Variants in PCDH15 observed in about 807,000 individuals in gnomAD.
PCDH15 encodes the protein protocadherin related 15, also known as protocadherin-15.
Under a neutral mutation model 178.5 loss-of-function variants are expected in PCDH15, and 129 were observed. That is an observed-to-expected ratio of 0.72 (90% CI 0.63 to 0.84). PCDH15 has a LOEUF of 0.84. Ranked by LOEUF, PCDH15 falls within the 40% of genes least tolerant of loss-of-function variation. PCDH15 has a pLI of 0.00. For synonymous variants in PCDH15, 800 were observed against 732.0 expected (o/e 1.09, Z -1.50); for missense variants, 2,230 against 2,099.9 (o/e 1.06, Z -1.21).
At chr10:55,066,872 TTAA>T (rs1240046539) in intron 2 of PCDH15, among the ~76,000 whole-genome samples, 1 of 151,786 alleles carries the variant, frequency 6.6e-6, no homozygotes, top group East Asian at 1.9e-4. Context: ...GTGACTATGC[TTAA>T]TATTTTTTAT....
At chr10:54,618,801 T>C (rs2093265744) in intron 2 of PCDH15, among the ~76,000 whole-genome samples, 1 of 152,028 alleles carries the variant, frequency 6.6e-6, no homozygotes, top group Admixed American at 6.6e-5. Context: ...AATAAATACT[T>C]TGGTGTCTAA....
intron 8 of PCDH15, among the ~76,000 whole-genome samples, chr10:54,301,065 G>A (rs181910368): frequency 1.4e-4 from 22 of 152,148 alleles, no homozygotes; most frequent in African/African-American, 2.6e-4. Context: ...CGAACCCACC[G>A]GAAGGAAGAA....
chr10:53,897,739 T>C (rs538566049), intron 26 of PCDH15, among the ~76,000 whole-genome samples: 3 of 152,238 alleles, frequency 2.0e-5, no homozygotes, highest in African/African-American at 7.2e-5. Flanking sequence ...AATATTCTGC[T>C]TTCTGTCTTT....
chr10:55,490,000 G>T (rs1285894577), intron 2 of PCDH15, among the ~76,000 whole-genome samples: 1 of 151,442 alleles, frequency 6.6e-6, no homozygotes, highest in African/African-American at 2.4e-5. Context: ...TACCCATGAA[G>T]TTTTAACTGT....
intron 3 of PCDH15, among the ~76,000 whole-genome samples, chr10:54,521,279 C>G (rs1011361767): frequency 1.3e-5 from 2 of 152,056 alleles, no homozygotes; most frequent in Non-Finnish European, 2.9e-5. Flanking sequence ...TTTACTCTGA[C>G]TGTTGTCAAT....
intron 13 of PCDH15, among the ~76,000 whole-genome samples, chr10:54,183,084 C>T (rs183183184): frequency 2.5e-4 from 38 of 152,030 alleles, no homozygotes; most frequent in Non-Finnish European, 5.1e-4. Context: ...CAGGTTCAAG[C>T]GATTCTCCTG....
intron 17 of PCDH15, among the ~76,000 whole-genome samples, chr10:54,069,467 C>T (rs2094198958): frequency 6.6e-6 from 1 of 152,108 alleles, no homozygotes; most frequent in Non-Finnish European, 1.5e-5. Flanking sequence ...CAGGCATTTT[C>T]TTCATTTCTT....
chr10:54,468,935 C>T (rs2136637336), intron 3 of PCDH15, among the ~76,000 whole-genome samples: 1 of 152,188 alleles, frequency 6.6e-6, no homozygotes, highest in African/African-American at 2.4e-5. Flanking sequence ...TAAAATTCAA[C>T]TTTATTTGAT....
chr10:55,236,200 G>A (rs1841382495), intron 1 of PCDH15, among the ~76,000 whole-genome samples: 1 of 151,722 alleles, frequency 6.6e-6, no homozygotes, highest in Non-Finnish European at 1.5e-5. Flanking sequence ...ACGTCTTGTT[G>A]CATATTAGAT....
intron 8 of PCDH15, among the ~76,000 whole-genome samples, chr10:54,306,365 A>T (rs1362622345): frequency 6.6e-6 from 1 of 152,044 alleles, no homozygotes; most frequent in Non-Finnish European, 1.5e-5. Flanking sequence ...AGAGAGAGCG[A>T]GAGAAAGATA....
At chr10:55,524,994 C>A (rs192693523) in intron 2 of PCDH15, among the ~76,000 whole-genome samples, 1 of 151,638 alleles carries the variant, frequency 6.6e-6, no homozygotes, top group South Asian at 2.1e-4. Context: ...ATGTCTCAAC[C>A]TTTGCTGGAT....
intron 20 of PCDH15, among the ~76,000 whole-genome samples, chr10:54,006,361 C>A (rs1188054236): frequency 1.3e-5 from 2 of 152,122 alleles, no homozygotes; most frequent in Non-Finnish European, 2.9e-5. Context: ...CCCAACAGAA[C>A]AATTAGCAAG....
intron 26 of PCDH15, among the ~76,000 whole-genome samples, chr10:53,897,248 A>T (rs905188478): frequency 1.1e-4 from 17 of 152,174 alleles, no homozygotes; most frequent in African/African-American, 3.9e-4. Context: ...CACAATGCAC[A>T]TCACTCCCAT....
At chr10:55,199,357 GA>G (rs1157765826) in intron 1 of PCDH15, among the ~76,000 whole-genome samples, 1 of 152,116 alleles carries the variant, frequency 6.6e-6, no homozygotes, top group Non-Finnish European at 1.5e-5. Flanking sequence ...GAACTTAAGA[GA>G]GATGATTTAG....
rs553519506 is a variant in PCDH15 at position 54,186,359 on chromosome 10, T to C, written c.1306-1091A>G. 9.2e-5 allele frequency among the ~76,000 whole-genome samples: 14 copies of C among 152,122 alleles called. No individual in the cohort carries two copies. The South Asian group carries it at 2.3e-3, about 25-fold the overall frequency. On this transcript the variant is annotated intron_variant, in intron 11 of 37. Transcript: ENST00000644397. ...TTAAATGTGTTTAATTTGAAAATAATAGAACTCATAATTTCAAAATTTCTA... is the reference window on the plus strand; with the variant it reads ...TTAAATGTGTTTAATTTGAAAATAACAGAACTCATAATTTCAAAATTTCTA...
intron 2 of PCDH15, among the ~76,000 whole-genome samples, chr10:55,037,214 C>T (rs1199615842): frequency 6.6e-6 from 1 of 152,030 alleles, no homozygotes; most frequent in Non-Finnish European, 1.5e-5. Flanking sequence ...ATATGTGGGT[C>T]AATTGTTAAT....
chr10:55,490,403 C>A (rs1373393125), intron 2 of PCDH15, among the ~76,000 whole-genome samples: 3 of 151,698 alleles, frequency 2.0e-5, no homozygotes, highest in Non-Finnish European at 4.4e-5. Flanking sequence ...TGAGTCTGGG[C>A]AAGGAACAAT....
intron 27 of PCDH15, among the ~76,000 whole-genome samples, chr10:53,865,560 G>A (rs1187952715): frequency 6.6e-6 from 1 of 152,134 alleles, no homozygotes; most frequent in African/African-American, 2.4e-5. Context: ...AATAAAAAGT[G>A]TTTACCGATC....
intron 25 of PCDH15, among the ~76,000 whole-genome samples, chr10:53,916,484 TA>T (rs1161912466): frequency 6.6e-6 from 1 of 151,632 alleles, no homozygotes; most frequent in Non-Finnish European, 1.5e-5. Context: ...CGGATACATT[TA>T]AAAGCCTCTG....
Sources: gnomAD v4.1 joint callset for allele counts (sites outside exome capture counted in the v4.1 genomes callset) on GRCh38, gnomAD v4.1.1 for gene constraint, MANE v1.5 for transcripts, NCBI Gene and HGNC (gene_info 2026-07-23, HGNC 2026-07-21) for gene names.